The following DCC variants were observed in gnomAD, a reference collection of about 807,000 sequenced individuals.
DCC encodes the protein DCC netrin 1 receptor.
DCC carries 58 observed loss-of-function variants against 172.5 expected under a neutral mutation model. The observed-to-expected ratio is 0.34, with a 90% CI of 0.27 to 0.42. The LOEUF is 0.42. Among genes scored for constraint, DCC ranks in the 10% least tolerant of loss-of-function variants. DCC has a pLI of 1.00. For missense variants in DCC, 1,740 were observed against 1,791.0 expected (o/e 0.97, Z 0.51); for synonymous variants, 709 against 644.5 (o/e 1.10, Z -1.52).
At chr18:52,555,991 T>C (rs1036539230) in intron 1 of DCC, among the ~76,000 whole-genome samples, 1 of 152,162 alleles carries the variant, frequency 6.6e-6, no homozygotes, top group Non-Finnish European at 1.5e-5. Context: ...TATCTATGGC[T>C]CATTGAGTCA....
At chr18:52,855,555 T>C (rs1372250709) in intron 2 of DCC, among the ~76,000 whole-genome samples, 1 of 152,170 alleles carries the variant, frequency 6.6e-6, no homozygotes, top group Non-Finnish European at 1.5e-5. Context: ...CTTTACCAAG[T>C]ATTTGATACC....
intron 7 of DCC, among the ~76,000 whole-genome samples, chr18:53,073,743 G>A (rs1168480692): frequency 6.6e-6 from 1 of 151,866 alleles, no homozygotes; most frequent in African/African-American, 2.4e-5. Context: ...TATTAAGTCA[G>A]TATATCATAT....
chr18:53,237,494 G>A (rs548702467), intron 12 of DCC, among the ~76,000 whole-genome samples: 4 of 152,100 alleles, frequency 2.6e-5, no homozygotes, highest in Non-Finnish European at 5.9e-5. Context: ...GATGGTCACA[G>A]CCAATCAGTA....
rs565877996 is a variant in DCC, at chr18:53,276,608, T to A, written c.1912-28970T>A. 7.2e-4 allele frequency among the ~76,000 whole-genome samples: 110 copies of A among 152,198 alleles called. 1 individual carries two copies. Among genetic ancestry groups the A allele is most frequent in the South Asian group, 6.2e-4 (3 of 4,824 alleles). Reference sequence around the variant, plus strand: ...ATTTATTAATGTGACTTGAGAGATGTTTAAAGCTGAACCAGTATGATTAAT... The same window carrying A: ...ATTTATTAATGTGACTTGAGAGATGATTAAAGCTGAACCAGTATGATTAAT... On this transcript the variant is annotated intron_variant, in intron 12 of 28. Transcript: ENST00000442544.
intron 1 of DCC, among the ~76,000 whole-genome samples, chr18:52,717,577 A>G (rs1478988478): frequency 6.6e-6 from 1 of 151,978 alleles, no homozygotes; most frequent in Admixed American, 6.6e-5. Flanking sequence ...GTGAACAGTC[A>G]TCCAGAGAGT....
chr18:52,968,965 T>C (rs1037782105), intron 5 of DCC, among the ~76,000 whole-genome samples: 1 of 152,040 alleles, frequency 6.6e-6, no homozygotes, highest in Non-Finnish European at 1.5e-5. Flanking sequence ...TCTGTGAACC[T>C]CTCACATTCT....
intron 5 of DCC, chr18:52,934,779 G>T (rs566411090): frequency 2.6e-5 from 4 of 152,112 alleles, no homozygotes; most frequent in African/African-American, 9.7e-5. Flanking sequence ...AAGAAGAAGA[G>T]TTACTGGAGC....
At chr18:52,889,986 A>G (rs1363901720) in intron 2 of DCC, among the ~76,000 whole-genome samples, 2 of 152,152 alleles carry the variant, frequency 1.3e-5, no homozygotes, top group African/African-American at 4.8e-5. Context: ...AAAGAAATAT[A>G]GAGTACTATA....
intron 1 of DCC, among the ~76,000 whole-genome samples, chr18:52,511,708 G>A (rs567043093): frequency 1.8e-4 from 28 of 152,278 alleles, no homozygotes; most frequent in Admixed American, 1.0e-3. Context: ...AAAGTTCACC[G>A]ACATTTTAAT....
chr18:53,339,146 C>G (rs1162235061), intron 14 of DCC, among the ~76,000 whole-genome samples: 6 of 152,154 alleles, frequency 3.9e-5, no homozygotes, highest in Non-Finnish European at 7.4e-5. Context: ...GGCTTTAATC[C>G]AGGCCACTGT....
intron 1 of DCC, among the ~76,000 whole-genome samples, chr18:52,643,205 A>G (rs2144906658): frequency 6.6e-6 from 1 of 152,308 alleles, no homozygotes; most frequent in Non-Finnish European, 1.5e-5. Flanking sequence ...TAATTTAAGA[A>G]AGATTGAATG....
chr18:52,473,328 T>C (rs1490909724), intron 1 of DCC, among the ~76,000 whole-genome samples: 1 of 152,240 alleles, frequency 6.6e-6, no homozygotes, highest in African/African-American at 2.4e-5. Context: ...GCTAGGATTC[T>C]AAACAATTGT....
At chr18:52,359,521 C>G (rs1984526652) in intron 1 of DCC, among the ~76,000 whole-genome samples, 1 of 152,138 alleles carries the variant, frequency 6.6e-6, no homozygotes, top group Non-Finnish European at 1.5e-5. Context: ...AGCTTACTCT[C>G]CTGTCCTAAT....
intron 13 of DCC, among the ~76,000 whole-genome samples, chr18:53,315,490 G>A (rs183013107): frequency 2.3e-4 from 35 of 152,236 alleles, no homozygotes; most frequent in African/African-American, 6.5e-4. Context: ...TAATGGGATC[G>A]CTGGGTCAAT....
intron 27 of DCC, among the ~76,000 whole-genome samples, chr18:53,525,901 G>T (rs1015330051): frequency 1.3e-5 from 2 of 152,034 alleles, no homozygotes; most frequent in African/African-American, 4.8e-5. Flanking sequence ...ATAAGGTCAA[G>T]GTTGTATTAG....
chr18:53,379,967 C>T (rs1046694232), intron 15 of DCC, among the ~76,000 whole-genome samples: 2 of 152,086 alleles, frequency 1.3e-5, no homozygotes, highest in African/African-American at 4.8e-5. Context: ...GAAAATACTG[C>T]TGAGCTTTAT....
At chr18:53,377,823 A>G (rs1414841930) in intron 15 of DCC, among the ~76,000 whole-genome samples, 1 of 152,204 alleles carries the variant, frequency 6.6e-6, no homozygotes, top group African/African-American at 2.4e-5. Context: ...TGACGCATCC[A>G]CAATGAACTG....
intron 27 of DCC, among the ~76,000 whole-genome samples, chr18:53,503,618 G>C (rs1312827833): frequency 6.6e-6 from 1 of 152,158 alleles, no homozygotes. Flanking sequence ...GGCTAAGATA[G>C]GGTGTGTGGG....
intron 12 of DCC, among the ~76,000 whole-genome samples, chr18:53,271,994 C>T (rs2056754587): frequency 6.6e-6 from 1 of 152,156 alleles, no homozygotes; most frequent in Admixed American, 6.5e-5. Context: ...CCATTAACTT[C>T]ACACCAATTT....
Sources: allele counts gnomAD v4.1 joint callset (sites outside exome capture counted in the v4.1 genomes callset), GRCh38; gene constraint gnomAD v4.1.1; transcripts MANE v1.5; gene names NCBI Gene and HGNC (gene_info 2026-07-23, HGNC 2026-07-21).